The following PDE1C variants were observed in gnomAD, a reference collection of about 807,000 sequenced individuals.
The protein encoded by PDE1C is phosphodiesterase 1C.
Under a neutral mutation model 93.1 loss-of-function variants are expected in PDE1C, and 62 were observed. That is an observed-to-expected ratio of 0.67 (90% CI 0.54 to 0.82). The LOEUF is 0.82. Among genes scored for constraint, PDE1C ranks in the 40% least tolerant of loss-of-function variants. The pLI, the probability that PDE1C is intolerant of heterozygous loss-of-function variation, is 0.00. For missense variants in PDE1C, 742 were observed against 884.6 expected, an observed-to-expected ratio of 0.84 and a Z score of 2.04; for synonymous variants, 325 against 310.1, an observed-to-expected ratio of 1.05 and a Z score of -0.50.
At chr7:31,817,968 C>T (rs1788472263) in intron 14 of PDE1C, among the ~76,000 whole-genome samples, 1 of 152,032 alleles carries the variant, frequency 6.6e-6, no homozygotes, top group African/African-American at 2.4e-5. Flanking sequence ...TTCATTGATC[C>T]ATCCATCCAT....
chr7:32,309,597 A>C (rs2128904192), intron 1 of PDE1C, among the ~76,000 whole-genome samples: 1 of 152,366 alleles, frequency 6.6e-6, no homozygotes, highest in East Asian at 1.9e-4. Context: ...CCAATATTCA[A>C]CATTCTTATA....
intron 2 of PDE1C, among the ~76,000 whole-genome samples, chr7:32,203,897 G>A: frequency 6.6e-6 from 1 of 152,114 alleles, no homozygotes; most frequent in Non-Finnish European, 1.5e-5. Context: ...CGCTCTCCCT[G>A]TGGATCTCAG....
At chr7:32,212,025 C>CAAAAAAAAAAAAAAAA (rs35827566) in intron 1 of PDE1C, among the ~76,000 whole-genome samples, 5 of 81,266 alleles carry the variant, frequency 6.2e-5, no homozygotes, top group Non-Finnish European at 4.9e-5. Flanking sequence ...GAACCTATCT[C>CAAAAAAAAAAAAAAAA]AAAAAAAAAA....
At chr7:31,991,520 G>A (rs62457488) in intron 2 of PDE1C, among the ~76,000 whole-genome samples, 10,873 of 152,228 alleles carry the variant, frequency 0.071, 602 homozygotes, top group East Asian at 0.32. Context: ...CCTGCAGAAG[G>A]GGAATGGCTT....
chr7:32,016,674 G>A (rs2128601765), intron 2 of PDE1C, among the ~76,000 whole-genome samples: 1 of 152,220 alleles, frequency 6.6e-6, no homozygotes, highest in East Asian at 1.9e-4. Context: ...ATATTATGTA[G>A]CCATTAAGAA....
intron 2 of PDE1C, among the ~76,000 whole-genome samples, chr7:31,928,221 G>C (rs775113571): frequency 6.6e-6 from 1 of 151,970 alleles, no homozygotes; most frequent in African/African-American, 2.4e-5. Flanking sequence ...GAAATGAAGA[G>C]TGAAGACAAG....
intron 1 of PDE1C, among the ~76,000 whole-genome samples, chr7:32,312,723 C>G (rs1407360944): frequency 6.6e-6 from 1 of 152,162 alleles, no homozygotes; most frequent in Non-Finnish European, 1.5e-5. Context: ...GAAACTTGAT[C>G]CCTTCCTTAC....
chr7:32,018,783 C>G (rs537032569), intron 2 of PDE1C, among the ~76,000 whole-genome samples: 4 of 152,108 alleles, frequency 2.6e-5, no homozygotes, highest in African/African-American at 9.7e-5. Context: ...ATATGAAACA[C>G]TGAACTGTAT....
the PDE1C span, among the ~76,000 whole-genome samples, chr7:31,659,283 T>C: frequency 6.6e-6 from 1 of 152,230 alleles, no homozygotes; most frequent in Non-Finnish European, 1.5e-5. Context: ...AATTTACTTA[T>C]ATTTTGTGTT....
chr7:31,901,899 G>T (rs558206961), intron 2 of PDE1C, among the ~76,000 whole-genome samples: 48 of 151,410 alleles, frequency 3.2e-4, no homozygotes, highest in African/African-American at 1.0e-3. Context: ...TATAACGTTT[G>T]TCAAGTATAG....
chr7:31,971,805 C>G (rs1321390150), intron 2 of PDE1C, among the ~76,000 whole-genome samples: 1 of 152,186 alleles, frequency 6.6e-6, no homozygotes, highest in East Asian at 1.9e-4. Context: ...GTGACTGTCC[C>G]TCCGTGTCTC....
At chr7:32,417,297 C>T (rs1785294956) in intron 1 of PDE1C, among the ~76,000 whole-genome samples, 1 of 150,140 alleles carries the variant, frequency 6.7e-6, no homozygotes, top group African/African-American at 2.5e-5. Flanking sequence ...TTTTTTTAAC[C>T]AGTGATAACT....
chr7:32,421,879 A>T (rs755638385), intron 1 of PDE1C, among the ~76,000 whole-genome samples: 1 of 152,174 alleles, frequency 6.6e-6, no homozygotes, highest in Non-Finnish European at 1.5e-5. Context: ...TCTTACACCC[A>T]GCAGGAGCAA....
At chr7:32,317,273 C>T (rs543824781) in intron 1 of PDE1C, among the ~76,000 whole-genome samples, 2 of 152,212 alleles carry the variant, frequency 1.3e-5, no homozygotes, top group South Asian at 4.2e-4. Flanking sequence ...GGATCTATAC[C>T]GTGGTCCAGC....
intron 9 of PDE1C, chr7:31,847,719 T>C: frequency 2.4e-6 from 1 of 412,692 alleles, no homozygotes; most frequent in Non-Finnish European, 4.4e-6. Context: ...CAAAATAAAG[T>C]AGTTGGAACT....
At chr7:31,890,004 A>T (rs1455328936) in intron 2 of PDE1C, among the ~76,000 whole-genome samples, 1 of 152,160 alleles carries the variant, frequency 6.6e-6, no homozygotes, top group Non-Finnish European at 1.5e-5. Flanking sequence ...TTAGAGTAAG[A>T]TTCCAAATTA....
At chr7:32,201,477 T>C (rs1390277923) in intron 2 of PDE1C, among the ~76,000 whole-genome samples, 1 of 152,206 alleles carries the variant, frequency 6.6e-6, no homozygotes, top group Non-Finnish European at 1.5e-5. Flanking sequence ...GGGTACAGCA[T>C]TCCCATTAAG....
At chr7:31,875,793 CTATATATATATATATATATATA>C (rs71559206) in intron 5 of PDE1C, among the ~76,000 whole-genome samples, 1,148 of 43,116 alleles carry the variant, frequency 0.027, 102 homozygotes, top group Middle Eastern at 0.079. Flanking sequence ...AAGCTTACAT[CTATATATATATATATATATATA>C]TATATATATA....
At chr7:32,385,816 T>C (rs1249125257) in intron 1 of PDE1C, among the ~76,000 whole-genome samples, 1 of 152,054 alleles carries the variant, frequency 6.6e-6, no homozygotes, top group African/African-American at 2.4e-5. Flanking sequence ...GGGAAATAAG[T>C]AATACAGATG....
Sources: allele counts gnomAD v4.1 joint callset (sites outside exome capture counted in the v4.1 genomes callset), GRCh38; gene constraint gnomAD v4.1.1; transcripts MANE v1.5; gene names NCBI Gene and HGNC (gene_info 2026-07-23, HGNC 2026-07-21).